Variants in FAM114A1 observed in about 807,000 individuals in gnomAD.
FAM114A1 encodes the protein family with sequence similarity 114 member A1, also known as protein NOXP20.
FAM114A1 carries 62 observed loss-of-function variants against 64.3 expected under a neutral mutation model. That is an observed-to-expected ratio of 0.96 (90% CI 0.79 to 1.19). The LOEUF is 1.19. FAM114A1 is among the 50% of genes most tolerant of loss of function. FAM114A1 has a pLI of 0.00. For synonymous variants in FAM114A1, 254 were observed against 251.1 expected, an observed-to-expected ratio of 1.01 and a Z score of -0.11; for missense variants, 645 against 676.3, an observed-to-expected ratio of 0.95 and a Z score of 0.51.
chr4:38,890,496 T>C (rs1716246878), intron 3 of FAM114A1, among the ~76,000 whole-genome samples: 2 of 152,152 alleles, frequency 1.3e-5, no homozygotes, highest in African/African-American at 4.8e-5. Context: ...CTACAAACTC[T>C]GTAGGAATTT....
chr4:38,925,532 C>T (rs1720025037), intron 9 of FAM114A1, among the ~76,000 whole-genome samples: 1 of 152,054 alleles, frequency 6.6e-6, no homozygotes, highest in Non-Finnish European at 1.5e-5. Flanking sequence ...TCCTAAAAGC[C>T]CCCTAACAAC....
intron 3 of FAM114A1, among the ~76,000 whole-genome samples, chr4:38,880,120 G>T (rs1265767604): frequency 2.2e-5 from 2 of 92,086 alleles, no homozygotes; most frequent in Admixed American, 1.1e-4. Context: ...GAATAGAATA[G>T]AATAGAATAG....
rs1260306868 is a variant in FAM114A1 at position 38,879,471 on chromosome 4, A to G, written c.348+1045A>G. Among the ~76,000 whole-genome samples the G allele has an allele frequency of 2.0e-5, 3 of 152,216 alleles. No homozygotes were observed. In the East Asian group the frequency reaches 5.8e-4, roughly 29 times the overall value. On this transcript the variant is annotated intron_variant, in intron 3 of 14. Coordinates refer to ENST00000358869, the MANE Select transcript of FAM114A1 (RefSeq NM_138389.4). The stretch of plus-strand genomic sequence containing the variant: ...AGGTTTTTCCTCTATGAAGTGAAGA[A>G]TTCTCACATGAAGACTTTGATGCAT...
chr4:38,891,825 CAGTAGGTAAGCATTGTATGTTGCATTGGA>C lies in FAM114A1; in HGVS notation c.433_436+25del. The C allele has an allele frequency of 6.2e-7, 1 of 1,611,548 alleles. No homozygotes were observed. The highest frequency in any genetic ancestry group is 8.5e-7 in the Non-Finnish European group (1 of 1,178,918). ...TCTCTGCTGTCGTCAGCATCTGCCA[CAGTAGGTAAGCATTGTATGTTGCATTGGA>C]ATAGACAAAGTACCAAAGCCTAATA... On this transcript the variant is annotated splice_donor_variant and splice_donor_5th_base_variant and coding_sequence_variant and intron_variant, in exon 4 of 15. Transcript: ENST00000358869. LOFTEE classifies it high-confidence loss of function.
At chr4:38,894,529 C>T (rs1716726540) in intron 4 of FAM114A1, among the ~76,000 whole-genome samples, 1 of 152,090 alleles carries the variant, frequency 6.6e-6, no homozygotes, top group Admixed American at 6.6e-5. Context: ...TATATTTGAA[C>T]CAAGTAACAA....
chr4:38,892,530 T>C (rs1716504902), intron 4 of FAM114A1, among the ~76,000 whole-genome samples: 1 of 152,238 alleles, frequency 6.6e-6, no homozygotes, highest in Admixed American at 6.5e-5. Flanking sequence ...CAGTGTAGTG[T>C]CTTCCTGAGT....
Position 38,878,234 on chromosome 4 carries a change from G to T in FAM114A1, c.156G>T (p.Gly52=), listed in dbSNP as rs753574612. The change falls in exon 3 of 15, where the codon GGG becomes GGT. Residue 52 remains glycine (G), a synonymous_variant. Transcript: ENST00000358869. The part of the protein sequence containing the change: ...EPTPADPRGE[G]HENAAVQGAG... ...CACCAGCTGACCCCAGAGGGGAGGG[G>T]CATGAAAATGCAGCTGTGCAGGGTG... 44 of 1,614,060 alleles carry T rather than the reference G, an allele frequency of 2.7e-5. No homozygotes were observed. Among genetic ancestry groups the T allele is most frequent in the Admixed American group, 1.2e-4 (7 of 60,008 alleles).
chr4:38,889,048 AAGT>A (rs2109595324), intron 3 of FAM114A1, among the ~76,000 whole-genome samples: 1 of 152,338 alleles, frequency 6.6e-6, no homozygotes, highest in Admixed American at 6.5e-5. Context: ...AAAGCAATTG[AAGT>A]AGTCACTTAT....
At chr4:38,872,272 C>G (rs557947921) in intron 2 of FAM114A1, among the ~76,000 whole-genome samples, 28 of 152,218 alleles carry the variant, frequency 1.8e-4, no homozygotes, top group African/African-American at 6.5e-4. Flanking sequence ...CCTTAGGGCA[C>G]AAATTAAAAC....
At chr4:38,901,657 T>C (rs151110471) in intron 4 of FAM114A1, among the ~76,000 whole-genome samples, 224 of 152,358 alleles carry the variant, frequency 1.5e-3, no homozygotes, top group African/African-American at 5.2e-3. Context: ...TATTTCATCT[T>C]TCCAGAAAGA....
intron 8 of FAM114A1, among the ~76,000 whole-genome samples, chr4:38,918,014 C>T (rs34019309): frequency 0.14 from 20,608 of 151,330 alleles, 1,750 homozygotes; most frequent in East Asian, 0.4. Context: ...GTCAGGAGTT[C>T]GAGATCAGCC....
At chr4:38,909,353 T>C (rs1308257992) in intron 7 of FAM114A1, among the ~76,000 whole-genome samples, 2 of 152,222 alleles carry the variant, frequency 1.3e-5, no homozygotes, top group East Asian at 3.8e-4. Context: ...GCCGTTATTA[T>C]GTGTCGGTAT....
chr4:38,932,122 G>T lies in FAM114A1; in HGVS notation c.1324-113G>T. 5 of 1,178,708 alleles carry T rather than the reference G, an allele frequency of 4.2e-6. No homozygotes were observed. In the South Asian group the frequency reaches 6.4e-5, roughly 15 times the overall value. 73.0% of individuals were successfully genotyped at this position (1,178,708 alleles called of 1,614,324 possible). A position where few individuals can be genotyped will look rare whatever the true frequency, so the allele number is the denominator to read the frequency against. ...TTGTAATCATCAGGTTAACTATTTC[G>T]GGTTATATTTGGGGTATTTTTGAAA... On this transcript the variant is annotated intron_variant, in intron 11 of 14. Coordinates refer to ENST00000358869, the MANE Select transcript of FAM114A1 (RefSeq NM_138389.4).
At chr4:38,885,819 G>T (rs1468587210) in intron 3 of FAM114A1, among the ~76,000 whole-genome samples, 2 of 152,144 alleles carry the variant, frequency 1.3e-5, no homozygotes, top group African/African-American at 4.8e-5. Context: ...TTGGAATGCT[G>T]ACAGCACTTG....
At chr4:38,919,887 A>G (rs1719424401) in intron 8 of FAM114A1, among the ~76,000 whole-genome samples, 1 of 152,196 alleles carries the variant, frequency 6.6e-6, no homozygotes, top group Non-Finnish European at 1.5e-5. Context: ...AGGCATGGCG[A>G]TGCGGTGTTT....
chr4:38,882,577 C>T (rs1715395685), intron 3 of FAM114A1, among the ~76,000 whole-genome samples: 1 of 151,956 alleles, frequency 6.6e-6, no homozygotes, highest in East Asian at 1.9e-4. Context: ...TGCGGTGAGC[C>T]GAGATTGCAC....
At chr4:38,879,247 G>T (rs566176643) in intron 3 of FAM114A1, among the ~76,000 whole-genome samples, 34 of 152,276 alleles carry the variant, frequency 2.2e-4, no homozygotes, top group African/African-American at 7.9e-4. Flanking sequence ...CAGGAGGGAG[G>T]AATTGGGGTC....
intron 3 of FAM114A1, among the ~76,000 whole-genome samples, chr4:38,880,015 G>A (rs1715049781): frequency 2.0e-5 from 3 of 151,816 alleles, no homozygotes; most frequent in South Asian, 2.1e-4. Context: ...GCAGTGAGCC[G>A]AGATTGCACC....
At chr4:38,928,806 A>G (rs923215788) in intron 9 of FAM114A1, among the ~76,000 whole-genome samples, 2 of 152,202 alleles carry the variant, frequency 1.3e-5, no homozygotes, top group African/African-American at 4.8e-5. Context: ...CCTGGGTACC[A>G]TTAGGGTTGC....
Sources: gnomAD v4.1 joint callset for allele counts (sites outside exome capture counted in the v4.1 genomes callset) on GRCh38, gnomAD v4.1.1 for gene constraint, MANE v1.5 for transcripts, NCBI Gene and HGNC (gene_info 2026-07-23, HGNC 2026-07-21) for gene names.